Variants in HDX observed in about 807,000 individuals in gnomAD.
The protein encoded by HDX is chromosome X open reading frame 43.
Under a neutral mutation model 45.2 loss-of-function variants are expected in HDX, and 19 were observed. The observed-to-expected ratio is 0.42, with a 90% CI of 0.29 to 0.62. HDX has a LOEUF of 0.62. Ranked by LOEUF, HDX falls within the 20% of genes least tolerant of loss-of-function variation. The pLI is 0.20. For missense variants in HDX, 532 were observed against 493.9 expected (o/e 1.08, Z -0.73); for synonymous variants, 188 against 172.8 (o/e 1.09, Z -0.69).
intron 5 of HDX, among the ~76,000 whole-genome samples, chrX:84,421,938 G>T (rs1203448344): frequency 1.8e-5 from 2 of 109,924 alleles, no homozygotes; most frequent in East Asian, 5.7e-4. Flanking sequence ...GAGAGAGATG[G>T]GTTCCAATAC....
intron 4 of HDX, among the ~76,000 whole-genome samples, chrX:84,459,532 G>T (rs1245174184): frequency 4.5e-5 from 5 of 110,378 alleles, no homozygotes; most frequent in Non-Finnish European, 7.6e-5. Flanking sequence ...CCAAACAATG[G>T]GATATAGCAA....
chrX:84,327,088 G>A (rs5922964), intron 9 of HDX, among the ~76,000 whole-genome samples: 3,886 of 111,401 alleles, frequency 0.035, 61 homozygotes, highest in Middle Eastern at 0.11. Context: ...TTTTTGCTGA[G>A]CCTCCACAGA....
intron 2 of HDX, among the ~76,000 whole-genome samples, chrX:84,483,444 T>A (rs1239262138): frequency 8.9e-6 from 1 of 112,697 alleles, no homozygotes; most frequent in Non-Finnish European, 1.9e-5. Flanking sequence ...CACCAAGGTT[T>A]AGGTGGCTTT....
chrX:84,397,283 A>G (rs1460817470), intron 5 of HDX, among the ~76,000 whole-genome samples: 1 of 111,637 alleles, frequency 9.0e-6, no homozygotes, highest in Non-Finnish European at 1.9e-5. Context: ...TGTGGAGATG[A>G]AGGTACTGTT....
intron 2 of HDX, among the ~76,000 whole-genome samples, chrX:84,478,570 T>C (rs2040604184): frequency 8.9e-6 from 1 of 112,315 alleles, no homozygotes; most frequent in African/African-American, 3.2e-5. Context: ...TTATAAGTAT[T>C]CATTACTGGA....
intron 5 of HDX, among the ~76,000 whole-genome samples, chrX:84,387,395 A>G (rs753327743): frequency 6.3e-5 from 7 of 111,496 alleles, no homozygotes; most frequent in Non-Finnish European, 1.1e-4. Flanking sequence ...TTCTGCCTCA[A>G]TGATCTGTCT....
intron 4 of HDX, among the ~76,000 whole-genome samples, chrX:84,461,646 A>C (rs2040240161): frequency 8.9e-6 from 1 of 112,089 alleles, no homozygotes; most frequent in Non-Finnish European, 1.9e-5. Flanking sequence ...ACAGGAAACC[A>C]AAGCAAAAAT....
chrX:84,479,239 G>C (rs1434028591), intron 2 of HDX, among the ~76,000 whole-genome samples: 1 of 111,220 alleles, frequency 9.0e-6, no homozygotes, highest in Non-Finnish European at 1.9e-5. Flanking sequence ...AAGCCATCCA[G>C]CCACCCCAGC....
At chrX:84,354,930 CATATAT>C (rs72331919) in intron 6 of HDX, among the ~76,000 whole-genome samples, 6,449 of 74,314 alleles carry the variant, frequency 0.087, 342 homozygotes, top group African/African-American at 0.14. Flanking sequence ...CACACACACA[CATATAT>C]ATATATATAT....
chrX:84,386,391 A>G (rs2038322415), intron 5 of HDX, among the ~76,000 whole-genome samples: 1 of 109,647 alleles, frequency 9.1e-6, no homozygotes, highest in African/African-American at 3.3e-5. Flanking sequence ...AGGAAACCCT[A>G]CTCCTTCATT....
chrX:84,386,618 A>G (rs1038303619), intron 5 of HDX, among the ~76,000 whole-genome samples: 1 of 111,806 alleles, frequency 8.9e-6, no homozygotes, highest in Non-Finnish European at 1.9e-5. Context: ...TATTTCCTCT[A>G]GATTTTCTAA....
At chrX:84,480,542 C>A (rs748617581) in intron 2 of HDX, among the ~76,000 whole-genome samples, 2 of 110,992 alleles carry the variant, frequency 1.8e-5, no homozygotes, top group East Asian at 2.8e-4. Context: ...AAACTGAGTT[C>A]TTCTTCTTAT....
chrX:84,327,192 C>T (rs1185805254), intron 9 of HDX, among the ~76,000 whole-genome samples: 5 of 111,543 alleles, frequency 4.5e-5, no homozygotes, highest in Admixed American at 1.9e-4. Flanking sequence ...TTTTGCTAGT[C>T]GTATAGGTAA....
intron 5 of HDX, among the ~76,000 whole-genome samples, chrX:84,426,852 C>A (rs981581948): frequency 1.8e-5 from 2 of 110,600 alleles, no homozygotes; most frequent in African/African-American, 6.5e-5. Context: ...ATGCTAATTG[C>A]TTGAGTGTAG....
intron 4 of HDX, among the ~76,000 whole-genome samples, chrX:84,465,487 G>A (rs2040333005): frequency 8.9e-6 from 1 of 112,440 alleles, no homozygotes; most frequent in South Asian, 3.7e-4. Context: ...ATACTATGCA[G>A]CCATCAAAAA....
chrX:84,426,859 G>T (rs2039393409), intron 5 of HDX, among the ~76,000 whole-genome samples: 1 of 110,590 alleles, frequency 9.0e-6, no homozygotes, highest in Admixed American at 9.7e-5. Flanking sequence ...TTGCTTGAGT[G>T]TAGTAATCAT....
At chrX:84,360,410 T>G (rs1203926288) in intron 6 of HDX, among the ~76,000 whole-genome samples, 4 of 112,160 alleles carry the variant, frequency 3.6e-5, no homozygotes, top group Admixed American at 9.5e-5. Flanking sequence ...TTAAACAATG[T>G]TATTGAGATA....
At chrX:84,395,310 C>G (rs1206101693) in intron 5 of HDX, among the ~76,000 whole-genome samples, 1 of 109,022 alleles carries the variant, frequency 9.2e-6, no homozygotes, top group Non-Finnish European at 1.9e-5. Context: ...TTTACTTTTC[C>G]TACATTTATG....
chrX:84,443,673 G>A (rs925353761), intron 4 of HDX, among the ~76,000 whole-genome samples: 4 of 111,569 alleles, frequency 3.6e-5, no homozygotes, highest in African/African-American at 1.3e-4. Flanking sequence ...GTCACTAAAC[G>A]TGGCTTAGAA....
Sources: gnomAD v4.1 joint callset for allele counts (sites outside exome capture counted in the v4.1 genomes callset) on GRCh38, gnomAD v4.1.1 for gene constraint, MANE v1.5 for transcripts, NCBI Gene and HGNC (gene_info 2026-07-23, HGNC 2026-07-21) for gene names.